Variants in SNX29 observed in about 807,000 individuals in gnomAD.
The protein encoded by SNX29 is sorting nexin 29.
A neutral mutation model predicts 102.1 loss-of-function variants in SNX29; 78 were observed. The ratio of observed to expected loss-of-function variants is 0.76; its 90% CI spans 0.64 to 0.92. The LOEUF (loss-of-function observed/expected upper bound fraction) is 0.92. SNX29 is among the 40% of genes least tolerant of loss of function. The pLI, the probability that SNX29 is intolerant of heterozygous loss-of-function variation, is 0.00. For missense variants in SNX29, 1,280 were observed against 1,061.7 expected (o/e 1.21, Z -2.86); for synonymous variants, 580 against 414.5 (o/e 1.40, Z -4.85).
At chr16:12,130,796 C>T (rs183817419) in intron 13 of SNX29, among the ~76,000 whole-genome samples, 29 of 152,142 alleles carry the variant, frequency 1.9e-4, no homozygotes, top group Admixed American at 1.2e-3. Context: ...CACTTGACAT[C>T]TCAGAGATTG....
At chr16:12,556,492 T>G (rs1365485561) in intron 20 of SNX29, 2 of 152,320 alleles carry the variant, frequency 1.3e-5, no homozygotes, top group East Asian at 3.8e-4. Context: ...AGTTAGGGCA[T>G]GGCAGGCAGT....
chr16:12,403,962 C>G (rs1567528981), intron 18 of SNX29, among the ~76,000 whole-genome samples: 2 of 152,240 alleles, frequency 1.3e-5, no homozygotes, highest in East Asian at 3.9e-4. Context: ...CCCAGCAGCG[C>G]CAGGTTCTCA....
chr16:12,319,686 A>G (rs993025733), intron 15 of SNX29, among the ~76,000 whole-genome samples: 2 of 152,056 alleles, frequency 1.3e-5, no homozygotes, highest in Non-Finnish European at 2.9e-5. Flanking sequence ...CGCCAGGAGG[A>G]GAGAAGATTG....
chr16:12,462,009 ATATG>A (rs368931591), intron 18 of SNX29, among the ~76,000 whole-genome samples: 143 of 73,446 alleles, frequency 1.9e-3, no homozygotes, highest in African/African-American at 7.7e-3. Flanking sequence ...ATATATATAT[ATATG>A]TATACACACA....
intron 13 of SNX29, among the ~76,000 whole-genome samples, chr16:12,186,002 C>A (rs2076501182): frequency 6.6e-6 from 1 of 152,180 alleles, no homozygotes; most frequent in South Asian, 2.1e-4. Flanking sequence ...CCTTAAAACC[C>A]CAGTATTTAT....
Position 12,541,063 on chromosome 16 carries a change from G to T in SNX29, c.2318+16222G>T, listed in dbSNP as rs560316153. Among the ~76,000 whole-genome samples, 5 of 152,248 alleles carry T rather than the reference G, an allele frequency of 3.3e-5. No homozygotes were observed. The South Asian group carries it at 1.0e-3, about 32-fold the overall frequency. On this transcript the variant is annotated intron_variant, in intron 20 of 20. Coordinates refer to ENST00000566228, the MANE Select transcript of SNX29 (RefSeq NM_032167.5). ...TAGTCTGGCTGCTATTTAGTTTCCT[G>T]AGTTATTGACTAGCTGCCTCATGCA...
At chr16:12,224,639 G>T (rs145968675) in intron 14 of SNX29, among the ~76,000 whole-genome samples, 53 of 152,336 alleles carry the variant, frequency 3.5e-4, no homozygotes, top group African/African-American at 1.2e-3. Flanking sequence ...GCTCACTGAA[G>T]AATTCTAAAG....
intron 3 of SNX29, among the ~76,000 whole-genome samples, chr16:12,017,644 T>C (rs1020542537): frequency 7.2e-5 from 11 of 152,224 alleles, no homozygotes; most frequent in Non-Finnish European, 1.6e-4. Context: ...TTATTTTTAC[T>C]GTAAACGTTT....
intron 15 of SNX29, among the ~76,000 whole-genome samples, chr16:12,309,053 C>T (rs1054590180): frequency 3.9e-5 from 6 of 152,134 alleles, no homozygotes; most frequent in African/African-American, 1.4e-4. Flanking sequence ...TCTCTTTGGG[C>T]CATTAGCATT....
intron 18 of SNX29, among the ~76,000 whole-genome samples, chr16:12,472,836 A>G (rs1347610837): frequency 6.6e-6 from 1 of 152,174 alleles, no homozygotes; most frequent in Admixed American, 6.5e-5. Context: ...TGGAAAAGAA[A>G]TCTTCAGATT....
intron 20 of SNX29, among the ~76,000 whole-genome samples, chr16:12,568,221 G>C (rs970108362): frequency 6.6e-6 from 1 of 150,828 alleles, no homozygotes; most frequent in African/African-American, 2.4e-5. Context: ...TTCTTTCATA[G>C]CCTTAAAATG....
chr16:12,520,934 C>G (rs947215141), intron 19 of SNX29, among the ~76,000 whole-genome samples: 5 of 152,188 alleles, frequency 3.3e-5, no homozygotes, highest in Non-Finnish European at 7.3e-5. Context: ...TGCAGTAGCT[C>G]ATGCCTGTAA....
chr16:12,112,410 G>A (rs1048266299), intron 11 of SNX29, among the ~76,000 whole-genome samples: 7 of 152,206 alleles, frequency 4.6e-5, no homozygotes, highest in African/African-American at 4.8e-5. Flanking sequence ...TCATCTCTGC[G>A]TGGCTGCTGA....
intron 18 of SNX29, among the ~76,000 whole-genome samples, chr16:12,436,025 C>T (rs924804800): frequency 9.9e-5 from 15 of 152,238 alleles, no homozygotes; most frequent in African/African-American, 3.4e-4. Flanking sequence ...CCTGGGGCAG[C>T]TGCTAGGATC....
At chr16:12,044,235 G>A (rs2049999748) in intron 5 of SNX29, among the ~76,000 whole-genome samples, 1 of 152,206 alleles carries the variant, frequency 6.6e-6, no homozygotes, top group Non-Finnish European at 1.5e-5. Flanking sequence ...TGTGAGTAGT[G>A]TGGCATGTTC....
In SNX29 at chr16:12,048,373, T is replaced by C. The variant is rs1166744510; in HGVS notation, c.501T>C (p.Gly167=). 2.5e-6 allele frequency: 4 copies of C among 1,613,772 alleles called. No individual in the cohort carries two copies. In the South Asian group the frequency reaches 4.4e-5, roughly 18 times the overall value. Residue 167 remains glycine, a splice_region_variant and synonymous_variant, in exon 7 of 21, where the codon GGT becomes GGC. Transcript: ENST00000566228. The part of the protein sequence containing the change: ...RSSMLPTMAA[G]LNSILFAINI... ...AGACTTTTCCCTTTTTTTGGGCAGG[T>C]CTGAACTCCATACTCTTTGCGATTA...
intron 14 of SNX29, among the ~76,000 whole-genome samples, chr16:12,251,687 A>C (rs1244155683): frequency 6.6e-6 from 1 of 152,210 alleles, no homozygotes; most frequent in Non-Finnish European, 1.5e-5. Flanking sequence ...TGGGCAACAG[A>C]GTAAGACTCT....
chr16:12,157,721 C>T (rs908759082), intron 13 of SNX29, among the ~76,000 whole-genome samples: 1 of 152,154 alleles, frequency 6.6e-6, no homozygotes, highest in Non-Finnish European at 1.5e-5. Context: ...AACTGAATTC[C>T]TGTCCCTGAC....
intron 9 of SNX29, among the ~76,000 whole-genome samples, chr16:12,066,934 C>T (rs995732790): frequency 2.0e-5 from 3 of 151,394 alleles, no homozygotes; most frequent in African/African-American, 7.3e-5. Context: ...TGCTTGAGGC[C>T]AGGAGTTTGA....
Sources: allele counts gnomAD v4.1 joint callset (sites outside exome capture counted in the v4.1 genomes callset), GRCh38; gene constraint gnomAD v4.1.1; transcripts MANE v1.5; gene names NCBI Gene and HGNC (gene_info 2026-07-23, HGNC 2026-07-21).